Variants in CSMD1 observed in about 807,000 individuals in gnomAD.
CSMD1 encodes CUB and sushi domain-containing protein 1.
CSMD1 carries 213 observed loss-of-function variants against 417.5 expected under a neutral mutation model. The observed-to-expected ratio is 0.51, with a 90% CI of 0.46 to 0.57. The LOEUF is 0.57. Among genes scored for constraint, CSMD1 ranks in the 20% least tolerant of loss-of-function variants. CSMD1 has a pLI of 0.00. For synonymous variants in CSMD1, 2,862 were observed against 1,736.8 expected, an observed-to-expected ratio of 1.65 and a Z score of -16.11; for missense variants, 6,923 against 4,529.7, an observed-to-expected ratio of 1.53 and a Z score of -15.17.
chr8:3,551,515 G>C (rs368662442), intron 10 of CSMD1, among the ~76,000 whole-genome samples: 2 of 150,068 alleles, frequency 1.3e-5, no homozygotes, highest in Admixed American at 6.7e-5. Context: ...GACCCTTTAC[G>C]TCCCTAACCA....
At chr8:3,458,674 G>T (rs560803643) in intron 12 of CSMD1, among the ~76,000 whole-genome samples, 1 of 152,302 alleles carries the variant, frequency 6.6e-6, no homozygotes, top group East Asian at 1.9e-4. Context: ...TAGCAACAAT[G>T]AACACATATA....
intron 7 of CSMD1, among the ~76,000 whole-genome samples, chr8:3,682,304 C>T (rs1407754049): frequency 1.3e-5 from 2 of 151,946 alleles, no homozygotes; most frequent in Non-Finnish European, 2.9e-5. Context: ...TGACAAAGGG[C>T]TAATATCCAG....
intron 3 of CSMD1, among the ~76,000 whole-genome samples, chr8:4,347,790 A>C (rs1195421294): frequency 6.6e-6 from 1 of 152,170 alleles, no homozygotes; most frequent in African/African-American, 2.4e-5. Context: ...AGTAACTCTA[A>C]ATAAAATCTA....
chr8:3,349,438 G>A (rs117507643), intron 21 of CSMD1, among the ~76,000 whole-genome samples: 1 of 152,024 alleles, frequency 6.6e-6, no homozygotes, highest in Non-Finnish European at 1.5e-5. Flanking sequence ...GGAAGGGTGT[G>A]AGGAGAAAGT....
intron 1 of CSMD1, among the ~76,000 whole-genome samples, chr8:4,639,489 C>G (rs901344235): frequency 6.6e-6 from 1 of 152,144 alleles, no homozygotes; most frequent in Non-Finnish European, 1.5e-5. Flanking sequence ...CTGAGGTTAG[C>G]TGTTAAGTAG....
Position 3,188,894 on chromosome 8 carries a change from C to A in CSMD1, c.5516G>T (p.Gly1839Val). ...TGGACTTCAAGGACTCACCTGAATT[C>A]CCGAGCCCTCCGTAACTATGATCTT... ...IWKIIVTEGS[G>V]IQIQVISFAT... is the part of the protein sequence containing the mutation. Residue 1839 changes from glycine (G) to valine (V), a missense_variant, in exon 35 of 70, where the codon GGA (glycine) becomes GTA (valine). Coordinates refer to ENST00000635120, the MANE Select transcript of CSMD1 (RefSeq NM_033225.6). 1 of 1,566,748 alleles carries A rather than the reference C, an allele frequency of 6.4e-7. No homozygotes were observed. Among genetic ancestry groups the A allele is most frequent in the Non-Finnish European group, 8.7e-7 (1 of 1,155,458 alleles).
intron 10 of CSMD1, among the ~76,000 whole-genome samples, chr8:3,557,762 C>A (rs1037187280): frequency 6.6e-6 from 1 of 152,152 alleles, no homozygotes; most frequent in Non-Finnish European, 1.5e-5. Flanking sequence ...GTAGGTGACA[C>A]AGGTTTTGGT....
At chr8:3,827,480 C>T (rs1016652047) in intron 5 of CSMD1, among the ~76,000 whole-genome samples, 3 of 152,234 alleles carry the variant, frequency 2.0e-5, no homozygotes, top group South Asian at 2.1e-4. Context: ...TCTTTCACGA[C>T]GTGGTTTTTA....
chr8:3,058,560 G>T (rs537199976), intron 49 of CSMD1, among the ~76,000 whole-genome samples: 1 of 152,114 alleles, frequency 6.6e-6, no homozygotes, highest in Admixed American at 6.5e-5. Flanking sequence ...CACAGTTGTC[G>T]ATTTACCATG....
chr8:4,181,970 GTGTGA>G (rs1428035929), intron 3 of CSMD1, among the ~76,000 whole-genome samples: 1 of 150,954 alleles, frequency 6.6e-6, no homozygotes, highest in African/African-American at 2.4e-5. Context: ...GTGTGTGTGT[GTGTGA>G]TGTGTGTGTA....
At chr8:4,077,295 GTGTA>G (rs1243338188) in intron 3 of CSMD1, among the ~76,000 whole-genome samples, 2 of 88,898 alleles carry the variant, frequency 2.2e-5, no homozygotes, top group African/African-American at 8.6e-5. Context: ...ATATATATAT[GTGTA>G]TATATATATA....
At chr8:4,718,333 C>T (rs1423043717) in intron 1 of CSMD1, among the ~76,000 whole-genome samples, 1 of 152,100 alleles carries the variant, frequency 6.6e-6, no homozygotes, top group African/African-American at 2.4e-5. Context: ...TATTAACAAT[C>T]AATTATCACT....
intron 26 of CSMD1, among the ~76,000 whole-genome samples, chr8:3,273,265 C>T: frequency 6.6e-6 from 1 of 151,940 alleles, no homozygotes; most frequent in Non-Finnish European, 1.5e-5. Flanking sequence ...ACTAGCCTTG[C>T]ATCCCAGGGA....
intron 5 of CSMD1, among the ~76,000 whole-genome samples, chr8:3,778,516 C>T (rs560777238): frequency 1.3e-5 from 2 of 152,232 alleles, no homozygotes; most frequent in African/African-American, 4.8e-5. Context: ...CTACCTTCTA[C>T]AAGAACGCTG....
At chr8:4,043,315 G>A (rs532282042) in intron 3 of CSMD1, among the ~76,000 whole-genome samples, 4 of 152,096 alleles carry the variant, frequency 2.6e-5, no homozygotes, top group African/African-American at 9.6e-5. Flanking sequence ...AACATAAAAA[G>A]AAGAGGAAAA....
At chr8:4,529,150 G>A (rs1796668893) in intron 2 of CSMD1, among the ~76,000 whole-genome samples, 1 of 152,038 alleles carries the variant, frequency 6.6e-6, no homozygotes, top group African/African-American at 2.4e-5. Flanking sequence ...TATGTTCCAG[G>A]GACCCTTTGG....
intron 3 of CSMD1, among the ~76,000 whole-genome samples, chr8:4,219,682 C>T (rs1800908474): frequency 6.6e-6 from 1 of 152,192 alleles, no homozygotes; most frequent in Non-Finnish European, 1.5e-5. Flanking sequence ...AATACTGCTA[C>T]ACAAGTCAAG....
intron 1 of CSMD1, among the ~76,000 whole-genome samples, chr8:4,751,025 G>C (rs936811164): frequency 6.6e-6 from 1 of 152,204 alleles, no homozygotes. Flanking sequence ...TATTTGCTAA[G>C]ATTATCAAAT....
At chr8:3,681,392 A>G (rs1799653453) in intron 7 of CSMD1, among the ~76,000 whole-genome samples, 1 of 152,162 alleles carries the variant, frequency 6.6e-6, no homozygotes, top group Non-Finnish European at 1.5e-5. Context: ...TTATACACCA[A>G]TAACAGACAA....
Sources: allele counts gnomAD v4.1 joint callset (sites outside exome capture counted in the v4.1 genomes callset), GRCh38; gene constraint gnomAD v4.1.1; transcripts MANE v1.5; gene names NCBI Gene and HGNC (gene_info 2026-07-23, HGNC 2026-07-21).